Variants in AP3M2 observed in about 807,000 individuals in gnomAD.
AP3M2 encodes AP-3 complex subunit mu-2.
A neutral mutation model predicts 41.6 loss-of-function variants in AP3M2; 28 were observed. That is an observed-to-expected ratio of 0.67 (90% CI 0.50 to 0.92). The LOEUF (loss-of-function observed/expected upper bound fraction) is 0.92, where lower values mean the gene tolerates loss of function less well. Among genes scored for constraint, AP3M2 ranks in the 40% least tolerant of loss-of-function variants. The pLI is 0.00. For synonymous variants in AP3M2, 193 were observed against 186.4 expected (o/e 1.04, Z -0.29); for missense variants, 427 against 521.4 (o/e 0.82, Z 1.76).
rs749301256 is a variant in AP3M2 at position 42,154,779 on chromosome 8, A to G, written c.92A>G (p.Tyr31Cys). 9.9e-6 allele frequency: 16 copies of G among 1,613,934 alleles called. No homozygotes were observed. The highest frequency in any genetic ancestry group is 5.0e-5 in the Admixed American group (3 of 59,992). Reference sequence around the variant, plus strand: ...GTGGTCAGCCGTTCTGTTTGTGATTACTTTTTTGAGGCGCAAGAGAGAGCT... The same window carrying G: ...GTGGTCAGCCGTTCTGTTTGTGATTGCTTTTTTGAGGCGCAAGAGAGAGCT... ...KSVVSRSVCD[Y>C]FFEAQERATE... Residue 31 changes from tyrosine (Y) to cysteine (C), a missense_variant, in exon 2 of 9, where the codon TAC becomes TGC. Coordinates refer to ENST00000396926, the MANE Select transcript of AP3M2 (RefSeq NM_006803.4).
chr8:42,168,938 T>C (rs1260332445), intron 8 of AP3M2, 23 bp from the exon 9 acceptor site: 2 of 1,556,120 alleles, frequency 1.3e-6, no homozygotes, highest in African/African-American at 2.8e-5. Flanking sequence ...CATGTCTATT[T>C]TCCCTCTCTC....
At chr8:42,159,529 A>G (rs910290891) in intron 3 of AP3M2, among the ~76,000 whole-genome samples, 1 of 152,090 alleles carries the variant, frequency 6.6e-6, no homozygotes, top group Non-Finnish European at 1.5e-5. Flanking sequence ...TTACCTTTTC[A>G]TGTCCTTTGT....
rs747588379 is a variant in AP3M2, at chr8:42,162,426, C to T, written c.583+8C>T. On this transcript the variant is annotated splice_region_variant and intron_variant, in intron 4 of 8. Transcript: ENST00000396926. ...CAATTATTGATAAATCAGGTAGGTG[C>T]TTTTAATATGTTCTCAGAAATATGA... is the stretch of plus-strand genomic sequence containing the variant. 1 of 1,597,156 alleles carries T rather than the reference C, an allele frequency of 6.3e-7. No individual in the cohort carries two copies.
At chr8:42,156,289 TGC>T (rs2150956968) in intron 2 of AP3M2, among the ~76,000 whole-genome samples, 1 of 152,334 alleles carries the variant, frequency 6.6e-6, no homozygotes, top group East Asian at 1.9e-4. Flanking sequence ...AGAGTAAATT[TGC>T]TAATTTGGAA....
chr8:42,158,353 A>T (rs550333731), intron 3 of AP3M2, among the ~76,000 whole-genome samples: 1 of 150,072 alleles, frequency 6.7e-6, no homozygotes, highest in South Asian at 2.1e-4. Context: ...GGTTGAAGTG[A>T]TTCTCCTGCC....
Position 42,169,581 on chromosome 8 carries a change from C to G in AP3M2, c.*520C>G, listed in dbSNP as rs540192977. On this transcript the variant is annotated 3_prime_UTR_variant, in exon 9 of 9. Coordinates refer to ENST00000396926, the MANE Select transcript of AP3M2 (RefSeq NM_006803.4). ...ATGAAAGATTGGCAAGAAAAGCAGTCGGACTCTACCTTAAGGAGGGATGGG... is the reference window on the plus strand; with the variant it reads ...ATGAAAGATTGGCAAGAAAAGCAGTGGGACTCTACCTTAAGGAGGGATGGG... 1 of 152,202 alleles carries G rather than the reference C, an allele frequency of 6.6e-6. No individual in the cohort carries two copies. Among genetic ancestry groups the G allele is most frequent in the Non-Finnish European group, 1.5e-5 (1 of 68,086 alleles). 9.4% of individuals were successfully genotyped at this position (152,202 alleles called of 1,614,324 possible). A position where few individuals can be genotyped will look rare whatever the true frequency, so the allele number is the denominator to read the frequency against.
At chr8:42,166,128 T>C in intron 6 of AP3M2, among the ~76,000 whole-genome samples, 1 of 152,210 alleles carries the variant, frequency 6.6e-6, no homozygotes, top group East Asian at 1.9e-4. Context: ...TCTGAGTGCT[T>C]GAGGTCAAAG....
At chr8:42,156,132 G>A (rs1050727538) in intron 2 of AP3M2, 5 of 423,294 alleles carry the variant, frequency 1.2e-5, no homozygotes, top group Non-Finnish European at 2.4e-5. Flanking sequence ...TGATTTCCAC[G>A]TGTGATACTT....
intron 3 of AP3M2, among the ~76,000 whole-genome samples, chr8:42,159,049 C>T (rs1387971596): frequency 2.0e-5 from 3 of 152,194 alleles, no homozygotes; most frequent in Non-Finnish European, 4.4e-5. Context: ...CCCACCTTGG[C>T]CTCCCAAAGT....
chr8:42,167,300 A>G lies in AP3M2; in HGVS notation c.940A>G (p.Met314Val). 1.9e-6 allele frequency: 3 copies of G among 1,614,166 alleles called. No homozygotes were observed. The highest frequency in any genetic ancestry group is 1.3e-5 in the African/African-American group (1 of 75,040). Reference sequence around the variant, plus strand: ...TGAGGGAGTGACTGTCACCAGCCAGATGCCCAAGGGGGTCCTGAACATGAG... The same window carrying G: ...TGAGGGAGTGACTGTCACCAGCCAGGTGCCCAAGGGGGTCCTGAACATGAG... ...TIEGVTVTSQ[M>V]PKGVLNMSLT... Residue 314 changes from methionine (M) to valine (V), a missense_variant, in exon 7 of 9, where the codon ATG (methionine) becomes GTG (valine). This residue lies in a region of AP3M2 where 237 missense variants were observed against 284.9 expected (regional missense o/e 0.83). Transcript: ENST00000396926.
At chr8:42,153,511 C>T (rs1317302981) in intron 1 of AP3M2, 1 of 152,710 alleles carries the variant, frequency 6.5e-6, no homozygotes, top group East Asian at 1.9e-4. Context: ...GTCTCTCCCT[C>T]CTGCTGTCTC....
Position 42,169,092 on chromosome 8 carries a change from A to T in AP3M2, c.*31A>T. 1 of 1,543,316 alleles carries T rather than the reference A, an allele frequency of 6.5e-7. No individual in the cohort carries two copies. Among genetic ancestry groups the T allele is most frequent in the Non-Finnish European group, 8.9e-7 (1 of 1,127,508 alleles). ...GCATTTGCTGAGGGAATAGTCTTGC[A>T]CATTTTTTCATTTCTTACTTGTCTA... On this transcript the variant is annotated 3_prime_UTR_variant, in exon 9 of 9. Transcript: ENST00000396926.
chr8:42,158,172 G>A (rs1388483380), intron 3 of AP3M2, 60 bp downstream of exon 3: 6 of 1,542,932 alleles, frequency 3.9e-6, no homozygotes, highest in South Asian at 2.3e-5. Flanking sequence ...TGGCTTAGTC[G>A]AGTGTCGCAC....
At chr8:42,158,209 A>T in intron 3 of AP3M2, 97 bp downstream of exon 3, 1 of 1,257,094 alleles carries the variant, frequency 8.0e-7, no homozygotes, top group Non-Finnish European at 1.1e-6. Context: ...GTCTTTGGGG[A>T]TCTCAGGTGT....
chr8:42,170,695 C>T lies in AP3M2; in HGVS notation c.*1634C>T, dbSNP rs1804775093. The T allele has an allele frequency of 6.6e-6, 1 of 152,200 alleles. No homozygotes were observed. Among genetic ancestry groups the T allele is most frequent in the African/African-American group, 2.4e-5 (1 of 41,448 alleles). 9.4% of individuals were successfully genotyped at this position (152,200 alleles called of 1,614,324 possible). A position where few individuals can be genotyped will look rare whatever the true frequency, so the allele number is the denominator to read the frequency against. On this transcript the variant is annotated 3_prime_UTR_variant, in exon 9 of 9. Transcript: ENST00000396926. ...TTCCTCTGGGATAGTGTACTGTACA[C>T]AACCAGATGTGTTCCACACTCCGTG...
intron 4 of AP3M2, 33 bp downstream of exon 4, chr8:42,162,451 A>G: frequency 6.3e-7 from 1 of 1,575,384 alleles, no homozygotes; most frequent in Non-Finnish European, 8.6e-7. Flanking sequence ...CAGAAATATG[A>G]AAATAGAAAG....
intron 1 of AP3M2, chr8:42,153,993 A>T (rs1395852523): frequency 6.6e-6 from 1 of 152,216 alleles, no homozygotes; most frequent in African/African-American, 2.4e-5. Flanking sequence ...GGTTAAATTA[A>T]TTTTAATATA....
chr8:42,161,855 A>G (rs140907064), intron 3 of AP3M2, among the ~76,000 whole-genome samples: 53 of 152,304 alleles, frequency 3.5e-4, no homozygotes, highest in African/African-American at 1.1e-3. Context: ...TCATATTGAT[A>G]TGTACATTTT....
At chr8:42,166,944 A>G in intron 6 of AP3M2, 2 of 551,472 alleles carry the variant, frequency 3.6e-6, no homozygotes, top group Non-Finnish European at 6.5e-6. Context: ...TGTATTATTC[A>G]GAGTCATTAG....
Sources: gnomAD v4.1 joint callset for allele counts (sites outside exome capture counted in the v4.1 genomes callset) on GRCh38, gnomAD v4.1.1 for gene constraint, gnomAD v4.1.1 regional missense constraint, MANE v1.5 for transcripts, NCBI Gene and HGNC (gene_info 2026-07-23, HGNC 2026-07-21) for gene names.